PCDHGA2: variants seen among roughly 807,000 people sequenced by gnomAD.
The protein encoded by PCDHGA2 is protocadherin gamma-A2.
PCDHGA2 carries 40 observed loss-of-function variants against 59.2 expected under a neutral mutation model. The ratio of observed to expected loss-of-function variants is 0.68; its 90% CI spans 0.52 to 0.88. PCDHGA2 has a LOEUF of 0.88. PCDHGA2 is among the 40% of genes least tolerant of loss of function. PCDHGA2 has a pLI of 0.00. For synonymous variants in PCDHGA2, 560 were observed against 526.0 expected (o/e 1.06, Z -0.89); for missense variants, 1,226 against 1,204.0 (o/e 1.02, Z -0.27).
chr5:141,362,571 A>G (rs751216494), intron 1 of PCDHGA2: 2 of 1,606,352 alleles, frequency 1.2e-6, no homozygotes, highest in Non-Finnish European at 1.7e-6. Flanking sequence ...GCTTTAATTA[A>G]TTTATTTTCA....
In PCDHGA2 at chr5:141,340,762, C is replaced by T. The variant is rs763994246; in HGVS notation, c.1791C>T (p.Asp597=). ...CCAAGGTGGTGGCGGTGGACAGAGA[C>T]TCGGGCCAGAACGCCTGGCTGTCTT... The part of the protein sequence containing the change: ...LVTKVVAVDR[D]SGQNAWLSYH... Residue 597 remains aspartate, a synonymous_variant, in exon 1 of 4, where the codon GAC becomes GAT. Transcript: ENST00000394576. 3 of 1,613,870 alleles carry T rather than the reference C, an allele frequency of 1.9e-6. No homozygotes were observed. The highest frequency in any genetic ancestry group is 1.7e-6 in the Non-Finnish European group (2 of 1,180,032).
intron 1 of PCDHGA2, chr5:141,399,873 C>T (rs1331485851): frequency 1.9e-6 from 3 of 1,612,836 alleles, no homozygotes; most frequent in Non-Finnish European, 2.5e-6. Context: ...AGCCCGGCTA[C>T]CTGGTGACCA....
At chr5:141,375,761 C>A in intron 1 of PCDHGA2, 1 of 1,614,236 alleles carries the variant, frequency 6.2e-7, no homozygotes, top group Non-Finnish European at 8.5e-7. Flanking sequence ...TGACAATGCG[C>A]CCGAGATCCT....
rs777168071 is a variant in PCDHGA2 at position 141,477,745 on chromosome 5, C to A, written c.2425-17062C>A. The A allele has an allele frequency of 5.0e-6, 8 of 1,613,682 alleles. No homozygotes were observed. The highest frequency in any genetic ancestry group is 6.8e-6 in the Non-Finnish European group (8 of 1,180,042). On this transcript the variant is annotated intron_variant, in intron 1 of 3. Transcript: ENST00000394576. The surrounding 1 kb of genome is among the most constrained non-coding windows in gnomAD (Gnocchi z 4.9). ...TAACAGCTCATATCAGCGATGGGGG[C>A]ACCCCGGTCCTAGCCACCAACATCA...
chr5:141,356,236 G>A (rs1242368458), intron 1 of PCDHGA2: 2 of 1,587,552 alleles, frequency 1.3e-6, no homozygotes, highest in Non-Finnish European at 1.7e-6. Context: ...CAACGCACCA[G>A]AAGTCACAGT....
intron 1 of PCDHGA2, among the ~76,000 whole-genome samples, chr5:141,453,360 C>T (rs966238012): frequency 6.6e-6 from 1 of 152,000 alleles, no homozygotes; most frequent in Non-Finnish European, 1.5e-5. Context: ...CCCTGAACTC[C>T]TGGGGTCAAG....
Position 141,490,522 on chromosome 5 carries a change from G to A in PCDHGA2, c.2425-4285G>A, listed in dbSNP as rs191201177. ...CTATATCATCGAGCTGCTGGCCAGC[G>A]ATGCTGGTTCACCTTCCCTACACAA... On this transcript the variant is annotated intron_variant, in intron 1 of 3. Transcript: ENST00000394576. This position sits in a 1 kb window ranked among gnomAD's most constrained non-coding sequence, Gnocchi z 5.4. 5.0e-6 allele frequency: 8 copies of A among 1,614,054 alleles called. No homozygotes were observed. Among genetic ancestry groups the A allele is most frequent in the Admixed American group, 3.3e-5 (2 of 60,010 alleles).
intron 1 of PCDHGA2, among the ~76,000 whole-genome samples, chr5:141,357,979 C>G (rs554928624): frequency 2.0e-5 from 3 of 152,236 alleles, no homozygotes; most frequent in African/African-American, 7.2e-5. Flanking sequence ...TGCCTGAGCT[C>G]AGGAGTTCGA....
At chr5:141,458,308 A>G (rs1363472724) in intron 1 of PCDHGA2, among the ~76,000 whole-genome samples, 1 of 152,196 alleles carries the variant, frequency 6.6e-6, no homozygotes, top group Non-Finnish European at 1.5e-5. Context: ...AGATAAAATG[A>G]CACAGACACA....
chr5:141,430,865 C>A, intron 1 of PCDHGA2: 2 of 1,595,350 alleles, frequency 1.3e-6, no homozygotes, highest in Non-Finnish European at 1.7e-6. Flanking sequence ...CTATTCAGTT[C>A]CGGAAGAGCT....
At chr5:141,376,380 G>C in intron 1 of PCDHGA2, 4 of 1,614,214 alleles carry the variant, frequency 2.5e-6, no homozygotes, top group Non-Finnish European at 3.4e-6. Flanking sequence ...TCGCGTAAGA[G>C]TCATCTGATT....
chr5:141,391,314 T>C (rs2092347404), intron 1 of PCDHGA2: 1 of 151,522 alleles, frequency 6.6e-6, no homozygotes, highest in Non-Finnish European at 1.5e-5. Flanking sequence ...TTCTTTTTTT[T>C]TTCTTTTTTT....
At chr5:141,418,328 G>C in intron 1 of PCDHGA2, 1 of 1,614,002 alleles carries the variant, frequency 6.2e-7, no homozygotes. Flanking sequence ...TCTTGAGTCT[G>C]CAGAAGATCC....
At chr5:141,389,816 G>T (rs1359127304) in intron 1 of PCDHGA2, 7 of 1,613,776 alleles carry the variant, frequency 4.3e-6, no homozygotes, top group Non-Finnish European at 5.9e-6. Context: ...TGGTCGCCGT[G>T]CGTGACGGTG....
rs570765907 is a variant in PCDHGA2, at chr5:141,414,583, G to T, written c.2424+73188G>T. The T allele has an allele frequency of 5.6e-6, 9 of 1,613,854 alleles. No individual in the cohort carries two copies. In the South Asian group the frequency reaches 8.8e-5, roughly 16 times the overall value. On this transcript the variant is annotated intron_variant, in intron 1 of 3. Coordinates refer to ENST00000394576, the MANE Select transcript of PCDHGA2 (RefSeq NM_018915.4). Reference sequence around the variant, plus strand: ...CTTTACCTATATCCCAGAGAACAACGCCAGGGGTGCCTCCATCTTCTCAGT... The same window carrying T: ...CTTTACCTATATCCCAGAGAACAACTCCAGGGGTGCCTCCATCTTCTCAGT...
chr5:141,478,148 C>T lies in PCDHGA2; in HGVS notation c.2425-16659C>T, dbSNP rs752958567. ...CTCTCCTGAAGCCCGAGCCGAGTTC[C>T]CCTCTGGCTCTGCCCCCCGGGAGCA... On this transcript the variant is annotated intron_variant, in intron 1 of 3. Coordinates refer to ENST00000394576, the MANE Select transcript of PCDHGA2 (RefSeq NM_018915.4). 3.1e-6 allele frequency: 5 copies of T among 1,613,948 alleles called. No homozygotes were observed. The highest frequency in any genetic ancestry group is 1.6e-4 in the Middle Eastern group (1 of 6,082).
intron 1 of PCDHGA2, among the ~76,000 whole-genome samples, chr5:141,358,088 G>C (rs1349368528): frequency 6.6e-6 from 1 of 152,206 alleles, no homozygotes; most frequent in African/African-American, 2.4e-5. Flanking sequence ...TACCCTGGAG[G>C]CTGAGGCATG....
intron 1 of PCDHGA2, chr5:141,370,790 C>G: frequency 6.2e-7 from 1 of 1,614,040 alleles, no homozygotes; most frequent in East Asian, 2.2e-5. Context: ...ACCCACCGAC[C>G]TTTAGCCAAA....
chr5:141,449,774 A>G (rs541830970), intron 1 of PCDHGA2, among the ~76,000 whole-genome samples: 2 of 151,714 alleles, frequency 1.3e-5, no homozygotes, highest in African/African-American at 4.8e-5. Flanking sequence ...AAGTTGTAGA[A>G]ATTATGTTTC....
Sources: gnomAD v4.1 joint callset for allele counts (sites outside exome capture counted in the v4.1 genomes callset) on GRCh38, gnomAD v4.1.1 for gene constraint, Gnocchi (gnomAD v3.1) non-coding constraint, MANE v1.5 for transcripts, NCBI Gene and HGNC (gene_info 2026-07-23, HGNC 2026-07-21) for gene names.